Variants in IQCK observed in about 807,000 individuals in gnomAD.
The protein encoded by IQCK is IQ motif containing K, also known as IQ domain-containing protein K.
IQCK carries 29 observed loss-of-function variants against 28.1 expected under a neutral mutation model. The observed-to-expected ratio is 1.03, with a 90% CI of 0.77 to 1.41. The LOEUF is 1.41. Among genes scored for constraint, IQCK ranks in the 40% most tolerant of loss-of-function variants. The pLI, the probability that IQCK is intolerant of heterozygous loss-of-function variation, is 0.00. For missense variants in IQCK, 359 were observed against 314.7 expected (o/e 1.14, Z -1.07); for synonymous variants, 113 against 115.1 (o/e 0.98, Z 0.12).
At chr16:19,749,590 G>A (rs1001460862) in intron 4 of IQCK, among the ~76,000 whole-genome samples, 3 of 151,928 alleles carry the variant, frequency 2.0e-5, no homozygotes, top group Non-Finnish European at 2.9e-5. Flanking sequence ...GTGAAACCCC[G>A]TCTCTACAAA....
At chr16:19,837,964 G>A (rs2056317788) in intron 9 of IQCK, among the ~76,000 whole-genome samples, 1 of 151,956 alleles carries the variant, frequency 6.6e-6, no homozygotes, top group South Asian at 2.1e-4. Context: ...CTGAGTTCCT[G>A]TTCGACTGTG....
chr16:19,735,437 A>G, exon 4 of IQCK: 1 of 1,611,984 alleles, frequency 6.2e-7, no homozygotes. Flanking sequence ...GCGAAGAAAG[A>G]AAAATGTTTT....
intron 6 of IQCK, among the ~76,000 whole-genome samples, chr16:19,782,870 C>A (rs151029076): frequency 1.5e-3 from 232 of 152,188 alleles, no homozygotes; most frequent in African/African-American, 5.3e-3. Context: ...CACTTTGCAT[C>A]TAAAAAAGAG....
At chr16:19,835,424 A>G (rs913193702) in intron 9 of IQCK, among the ~76,000 whole-genome samples, 9 of 152,136 alleles carry the variant, frequency 5.9e-5, no homozygotes, top group African/African-American at 7.2e-5. Flanking sequence ...GATCTATCCC[A>G]TTATTTTTAG....
chr16:19,849,613 A>G (rs1458375310), intron 9 of IQCK, among the ~76,000 whole-genome samples: 1 of 151,844 alleles, frequency 6.6e-6, no homozygotes, highest in Admixed American at 6.6e-5. Context: ...AGTAAAAAAA[A>G]TATTCGGGCA....
chr16:19,851,328 A>G (rs1720731646), intron 9 of IQCK, among the ~76,000 whole-genome samples: 1 of 152,162 alleles, frequency 6.6e-6, no homozygotes, highest in African/African-American at 2.4e-5. Context: ...TTCTGTTTCT[A>G]AAGGTCTGGG....
chr16:19,816,800 G>T (rs923856412), intron 7 of IQCK, among the ~76,000 whole-genome samples: 9 of 152,208 alleles, frequency 5.9e-5, no homozygotes, highest in Non-Finnish European at 1.0e-4. Context: ...ATTGATTTAA[G>T]AAATTACTAA....
chr16:19,763,745 T>A (rs2055185753), intron 4 of IQCK, 103 bp from the exon 5 acceptor site: 1 of 879,804 alleles, frequency 1.1e-6, no homozygotes, highest in African/African-American at 1.6e-5. Context: ...ACCCAGCCAG[T>A]GTTAAGCTTT....
chr16:19,774,197 C>T (rs2055356872), intron 6 of IQCK, among the ~76,000 whole-genome samples: 1 of 152,068 alleles, frequency 6.6e-6, no homozygotes, highest in African/African-American at 2.4e-5. Context: ...CCCAGCTCCA[C>T]CACTTCCAGC....
intron 3 of IQCK, among the ~76,000 whole-genome samples, chr16:19,734,683 AG>A (rs1977955126): frequency 6.7e-6 from 1 of 148,492 alleles, no homozygotes; most frequent in African/African-American, 2.5e-5. Flanking sequence ...TGGGAGGCTA[AG>A]GTGGGAAGAT....
chr16:19,749,445 A>C (rs537285838), intron 4 of IQCK, among the ~76,000 whole-genome samples: 1 of 152,122 alleles, frequency 6.6e-6, no homozygotes, highest in Non-Finnish European at 1.5e-5. Context: ...ACACGAGCCT[A>C]TGTTTACTAT....
intron 9 of IQCK, among the ~76,000 whole-genome samples, chr16:19,845,994 C>G (rs28480243): frequency 0.017 from 2,645 of 152,186 alleles, 61 homozygotes; most frequent in African/African-American, 0.061. Flanking sequence ...GGGGGATCAC[C>G]TGAGCCCAGG....
intron 1 of IQCK, among the ~76,000 whole-genome samples, chr16:19,723,159 C>T (rs1417898620): frequency 7.2e-6 from 1 of 138,138 alleles, no homozygotes; most frequent in Non-Finnish European, 1.6e-5. Context: ...CAGGCCCTTA[C>T]CACCCCCTGC....
intron 9 of IQCK, among the ~76,000 whole-genome samples, chr16:19,845,202 C>T (rs962440960): frequency 1.3e-5 from 2 of 152,202 alleles, no homozygotes; most frequent in African/African-American, 4.8e-5. Flanking sequence ...CTCGCAATCC[C>T]TAAGTACAGA....
chr16:19,771,628 G>A (rs1265073784), intron 6 of IQCK, among the ~76,000 whole-genome samples: 3 of 152,090 alleles, frequency 2.0e-5, no homozygotes, highest in Non-Finnish European at 2.9e-5. Flanking sequence ...ACAGATCACC[G>A]AAGAGCTGGC....
chr16:19,778,086 C>T (rs1321594794), intron 6 of IQCK, among the ~76,000 whole-genome samples: 2 of 152,036 alleles, frequency 1.3e-5, no homozygotes, highest in Non-Finnish European at 1.5e-5. Flanking sequence ...AGAGCCTGTG[C>T]GAAGCAGTAT....
At chr16:19,725,342 G>A (rs542184404) in intron 1 of IQCK, among the ~76,000 whole-genome samples, 13 of 152,170 alleles carry the variant, frequency 8.5e-5, no homozygotes, top group African/African-American at 2.4e-4. Flanking sequence ...GATTACAGGC[G>A]TGCGCCACCA....
rs564123964 is a variant in IQCK, at chr16:19,837,212, G to A, written c.802+10075G>A. On this transcript the variant is annotated intron_variant, in intron 9 of 9. Transcript: ENST00000320394. ...GAGCCCAGGAGTTCGAGACCAGCCC[G>A]GGCAACACAGAGAGACTATCTCTAC... Among the ~76,000 whole-genome samples the A allele has an allele frequency of 7.2e-5, 11 of 152,098 alleles. 1 individual carries two copies. The highest frequency in any genetic ancestry group is 2.1e-4 in the South Asian group (1 of 4,800).
chr16:19,850,852 C>T (rs922541780), intron 9 of IQCK, among the ~76,000 whole-genome samples: 1 of 151,834 alleles, frequency 6.6e-6, no homozygotes, highest in Non-Finnish European at 1.5e-5. Flanking sequence ...CTATCTCAAC[C>T]CAAAATAAAA....
Sources: gnomAD v4.1 joint callset for allele counts (sites outside exome capture counted in the v4.1 genomes callset) on GRCh38, gnomAD v4.1.1 for gene constraint, MANE v1.5 for transcripts, NCBI Gene and HGNC (gene_info 2026-07-23, HGNC 2026-07-21) for gene names.